Variants in RGS12 observed in about 807,000 individuals in gnomAD.
RGS12 encodes regulator of G protein signaling 12, also known as regulator of G-protein signaling 12.
In RGS12, 66 loss-of-function variants were observed where a neutral mutation model predicts 120.1. The ratio of observed to expected loss-of-function variants is 0.55; its 90% confidence interval spans 0.45 to 0.67. RGS12 has a LOEUF of 0.67. Among genes scored for constraint, RGS12 ranks in the 30% least tolerant of loss-of-function variants. RGS12 has a pLI of 0.00. For synonymous variants in RGS12, 827 were observed against 804.7 expected (o/e 1.03, Z -0.47); for missense variants, 1,859 against 1,957.7 (o/e 0.95, Z 0.95).
At chr4:3,309,103 G>A (rs1360713313) in intron 1 of RGS12, among the ~76,000 whole-genome samples, 5 of 120,680 alleles carry the variant, frequency 4.1e-5, no homozygotes, top group East Asian at 2.5e-4. Flanking sequence ...TCTGCTGAGG[G>A]GAACCGTGTT....
At chr4:3,345,096 G>A (rs560283303) in intron 3 of RGS12, among the ~76,000 whole-genome samples, 34 of 152,364 alleles carry the variant, frequency 2.2e-4, no homozygotes, top group Middle Eastern at 3.4e-3. Context: ...AAAGACAGCA[G>A]TTTTTCAAGG....
chr4:3,438,884 C>G (rs974531640), intron 17 of RGS12, among the ~76,000 whole-genome samples: 1 of 152,028 alleles, frequency 6.6e-6, no homozygotes, highest in Non-Finnish European at 1.5e-5. Context: ...ACCGGGAGGC[C>G]CAGAGCAGGG....
rs546679464 is a variant in RGS12 at position 3,363,500 on chromosome 4, T to G, written c.1998+20447T>G. ...GAGCCGCGGGGCCTGAACTGCTGCT[T>G]GTTGGCGGTGGGGAGAAGTGCAGCG... is the stretch of plus-strand genomic sequence containing the variant. On this transcript the variant is annotated intron_variant, in intron 3 of 17. Coordinates refer to ENST00000336727, the MANE Select transcript of RGS12 (RefSeq NM_001394154.1). Among the ~76,000 whole-genome samples, 189 of 151,222 alleles carry G rather than the reference T, an allele frequency of 1.2e-3. 1 individual carries two copies. The highest frequency in any genetic ancestry group is 3.9e-3 in the African/African-American group (161 of 40,770).
chr4:3,416,511 G>A (rs1722416657), intron 7 of RGS12, among the ~76,000 whole-genome samples: 1 of 152,216 alleles, frequency 6.6e-6, no homozygotes, highest in African/African-American at 2.4e-5. Context: ...AGACGTGCCT[G>A]TGCATGTCGC....
At chr4:3,386,953 A>G (rs558413908) in intron 4 of RGS12, among the ~76,000 whole-genome samples, 1 of 152,206 alleles carries the variant, frequency 6.6e-6, no homozygotes, top group South Asian at 2.1e-4. Context: ...GATTCTTTTC[A>G]TGGACTGATT....
intron 4 of RGS12, among the ~76,000 whole-genome samples, chr4:3,395,666 T>A (rs1277815107): frequency 1.3e-5 from 2 of 152,250 alleles, no homozygotes; most frequent in Admixed American, 1.3e-4. Flanking sequence ...AGTCCCCTGA[T>A]GACTATGAAT....
intron 1 of RGS12, chr4:3,314,774 T>C (rs961630739): frequency 6.6e-6 from 1 of 152,228 alleles, no homozygotes; most frequent in African/African-American, 2.4e-5. Context: ...AATCACTTAC[T>C]GTATTGCTTT....
intron 1 of RGS12, among the ~76,000 whole-genome samples, chr4:3,297,181 A>G (rs1363078582): frequency 3.3e-5 from 5 of 152,170 alleles, no homozygotes; most frequent in Middle Eastern, 3.2e-3. Flanking sequence ...CTCTGTAATC[A>G]TGGTGATACC....
chr4:3,438,721 T>G (rs1725045597), intron 17 of RGS12, among the ~76,000 whole-genome samples: 2 of 152,032 alleles, frequency 1.3e-5, no homozygotes, highest in African/African-American at 4.8e-5. Flanking sequence ...GGCCTGCCCA[T>G]GTTGGGTCTA....
intron 17 of RGS12, among the ~76,000 whole-genome samples, chr4:3,437,246 T>C (rs1202538176): frequency 1.3e-5 from 2 of 152,220 alleles, no homozygotes; most frequent in East Asian, 3.9e-4. Context: ...CCTTGTGATG[T>C]GGACATCCTT....
intron 9 of RGS12, chr4:3,419,354 G>A (rs188995582): frequency 5.3e-5 from 8 of 151,988 alleles, no homozygotes; most frequent in African/African-American, 1.9e-4. Flanking sequence ...AAATTAGCTG[G>A]GTGTGATGGT....
Position 3,390,548 on chromosome 4 carries a change from G to A in RGS12, c.2020+4111G>A, listed in dbSNP as rs115995423. ...GAAACTCCTGTGTGACTGGTGTTGC[G>A]GGGTGGACCCACTGCCGCCGCCTCC... On this transcript the variant is annotated intron_variant, in intron 4 of 17. Coordinates refer to ENST00000336727, the MANE Select transcript of RGS12 (RefSeq NM_001394154.1). The surrounding 1 kb of genome is among the most constrained non-coding windows in gnomAD (Gnocchi z 4.6). 0.011 allele frequency among the ~76,000 whole-genome samples: 1,691 copies of A among 152,328 alleles called. 27 individuals are homozygous for A. The highest frequency in any genetic ancestry group is 0.039 in the African/African-American group (1,601 of 41,570).
chr4:3,341,807 G>A (rs1167513733), intron 2 of RGS12, among the ~76,000 whole-genome samples: 1 of 132,070 alleles, frequency 7.6e-6, no homozygotes, highest in African/African-American at 2.9e-5. Context: ...ATGGGGGTGT[G>A]GACAGAAGGG....
At chr4:3,347,212 A>G (rs1420340721) in intron 3 of RGS12, among the ~76,000 whole-genome samples, 1 of 152,202 alleles carries the variant, frequency 6.6e-6, no homozygotes, top group Non-Finnish European at 1.5e-5. Context: ...TGGGAGGCTG[A>G]GGTGGGCGGA....
chr4:3,419,679 G>A (rs1370730717), intron 9 of RGS12, among the ~76,000 whole-genome samples: 1 of 151,986 alleles, frequency 6.6e-6, no homozygotes, highest in African/African-American at 2.4e-5. Flanking sequence ...AATTAGCCAA[G>A]TGTGGTGGCG....
At chr4:3,332,311 T>A (rs546029425) in intron 2 of RGS12, among the ~76,000 whole-genome samples, 1 of 152,348 alleles carries the variant, frequency 6.6e-6, no homozygotes, top group African/African-American at 2.4e-5. Context: ...TTTATAGAAA[T>A]GGCTTAATAA....
intron 1 of RGS12, among the ~76,000 whole-genome samples, chr4:3,311,926 G>A (rs1374213577): frequency 6.6e-6 from 1 of 152,208 alleles, no homozygotes; most frequent in Non-Finnish European, 1.5e-5. Flanking sequence ...CATCCCATCT[G>A]TGCCTCAGGG....
At chr4:3,416,797 C>A (rs555017308) in intron 7 of RGS12, 116 bp from the exon 8 acceptor site, 12 of 917,200 alleles carry the variant, frequency 1.3e-5, no homozygotes, top group Non-Finnish European at 2.0e-5. Context: ...TGGACTGAAA[C>A]GATGTCCTTT....
At chr4:3,302,630 A>G (rs1429355805) in intron 1 of RGS12, among the ~76,000 whole-genome samples, 1 of 152,206 alleles carries the variant, frequency 6.6e-6, no homozygotes, top group Admixed American at 6.5e-5. Context: ...ACAGCACCAC[A>G]TCAGAAAGCC....
Sources: allele counts gnomAD v4.1 joint callset (sites outside exome capture counted in the v4.1 genomes callset), GRCh38; gene constraint gnomAD v4.1.1; non-coding constraint Gnocchi (gnomAD v3.1); transcripts MANE v1.5; gene names NCBI Gene and HGNC (gene_info 2026-07-23, HGNC 2026-07-21).